Variants in SYT14 observed in about 807,000 individuals in gnomAD.
The protein encoded by SYT14 is synaptotagmin-14.
Under a neutral mutation model 74.2 loss-of-function variants are expected in SYT14, and 32 were observed. The observed-to-expected ratio is 0.43, with a 90% CI of 0.33 to 0.58. The LOEUF (loss-of-function observed/expected upper bound fraction) is 0.58, where lower values mean the gene tolerates loss of function less well. Among genes scored for constraint, SYT14 ranks in the 20% least tolerant of loss-of-function variants. The pLI is 0.05. For synonymous variants in SYT14, 298 were observed against 337.7 expected (o/e 0.88, Z 1.29); for missense variants, 791 against 981.8 (o/e 0.81, Z 2.60).
At chr1:210,086,345 T>C (rs1247841990) in intron 5 of SYT14, among the ~76,000 whole-genome samples, 1 of 152,200 alleles carries the variant, frequency 6.6e-6, no homozygotes, top group Non-Finnish European at 1.5e-5. Flanking sequence ...CCTCAAAAAA[T>C]TTTTCACTTA....
chr1:209,949,384 G>T (rs1398140929), intron 1 of SYT14, among the ~76,000 whole-genome samples: 2 of 151,828 alleles, frequency 1.3e-5, no homozygotes, highest in Non-Finnish European at 1.5e-5. Context: ...ACCATCCTGG[G>T]CAACATAGTG....
chr1:210,139,069 A>G (rs1470424828), intron 7 of SYT14, among the ~76,000 whole-genome samples: 1 of 144,248 alleles, frequency 6.9e-6, no homozygotes, highest in Non-Finnish European at 1.5e-5. Flanking sequence ...ATAAGATTTT[A>G]TTTTTTTAAA....
At chr1:210,021,197 T>A in exon 5 of SYT14, 1 of 1,613,998 alleles carries the variant, frequency 6.2e-7, no homozygotes, top group Non-Finnish European at 8.5e-7. Context: ...AAGGCAGAAA[T>A]ACAGTCCTCT....
intron 2 of SYT14, among the ~76,000 whole-genome samples, chr1:209,985,696 C>T (rs958797792): frequency 1.3e-5 from 2 of 152,208 alleles, no homozygotes; most frequent in African/African-American, 4.8e-5. Context: ...GGCCTTAATC[C>T]CTGCAGCAAT....
At chr1:210,038,021 C>T (rs539468262) in intron 5 of SYT14, among the ~76,000 whole-genome samples, 4 of 152,070 alleles carry the variant, frequency 2.6e-5, no homozygotes, top group African/African-American at 9.6e-5. Context: ...TGATCTGTCT[C>T]ATGCTATCAG....
At chr1:210,021,708 G>A (rs761341179) in intron 5 of SYT14, among the ~76,000 whole-genome samples, 11 of 152,156 alleles carry the variant, frequency 7.2e-5, no homozygotes, top group African/African-American at 1.2e-4. Context: ...GGCAGACAGC[G>A]GAAGAAATGG....
chr1:210,131,805 C>G (rs2102641597), intron 7 of SYT14, among the ~76,000 whole-genome samples: 1 of 152,292 alleles, frequency 6.6e-6, no homozygotes, highest in Non-Finnish European at 1.5e-5. Context: ...ATCCCTTCTT[C>G]CATATAAACA....
At chr1:210,083,378 T>G (rs227168) in intron 5 of SYT14, among the ~76,000 whole-genome samples, 86,371 of 152,048 alleles carry the variant, frequency 0.57, 26,617 homozygotes, top group African/African-American at 0.82. Context: ...TCTGAACTTT[T>G]TTTTCTAATA....
intron 5 of SYT14, among the ~76,000 whole-genome samples, chr1:210,070,593 C>T (rs2081373792): frequency 6.6e-6 from 1 of 152,240 alleles, no homozygotes; most frequent in South Asian, 2.1e-4. Context: ...GCTTTCTTCT[C>T]AAGGCCTATG....
At chr1:210,060,964 C>T (rs547470242) in intron 5 of SYT14, among the ~76,000 whole-genome samples, 8 of 152,060 alleles carry the variant, frequency 5.3e-5, no homozygotes, top group South Asian at 2.1e-4. Context: ...ACTCTGTCAT[C>T]GTTATTTAAG....
At chr1:209,968,014 A>G (rs888701007) in intron 2 of SYT14, among the ~76,000 whole-genome samples, 2 of 152,182 alleles carry the variant, frequency 1.3e-5, no homozygotes, top group African/African-American at 4.8e-5. Context: ...TGAACTAACT[A>G]TAATATAACT....
At chr1:210,095,671 A>G (rs1558185731) in intron 6 of SYT14, among the ~76,000 whole-genome samples, 1 of 152,242 alleles carries the variant, frequency 6.6e-6, no homozygotes, top group East Asian at 1.9e-4. Context: ...CCAAAATTAA[A>G]TAATAGGTGT....
intron 7 of SYT14, among the ~76,000 whole-genome samples, chr1:210,153,349 C>T (rs1190654340): frequency 6.6e-6 from 1 of 151,870 alleles, no homozygotes; most frequent in Non-Finnish European, 1.5e-5. Context: ...AGAAACCTGC[C>T]GATATTTTTA....
chr1:209,958,908 A>T (rs1271048669), intron 2 of SYT14, among the ~76,000 whole-genome samples: 1 of 152,184 alleles, frequency 6.6e-6, no homozygotes, highest in Non-Finnish European at 1.5e-5. Context: ...TTATAAATGG[A>T]CAATAACAAG....
At chr1:210,146,855 T>C (rs538873367) in intron 7 of SYT14, among the ~76,000 whole-genome samples, 3 of 151,634 alleles carry the variant, frequency 2.0e-5, no homozygotes, top group South Asian at 4.2e-4. Context: ...GTACTACATA[T>C]ATACTATATG....
At chr1:210,171,192 A>G (rs2083522294) in exon 10 of SYT14, 2 of 152,114 alleles carry the variant, frequency 1.3e-5, no homozygotes, top group Admixed American at 1.3e-4. Flanking sequence ...TACCTTGTCC[A>G]TTTTACTTCC....
At chr1:209,994,079 T>A (rs1264332689) in intron 2 of SYT14, among the ~76,000 whole-genome samples, 1 of 152,034 alleles carries the variant, frequency 6.6e-6, no homozygotes, top group Non-Finnish European at 1.5e-5. Context: ...CTCTGGCAAT[T>A]CAAAAAGCCA....
rs146267848 is a variant in SYT14 at position 210,111,830 on chromosome 1, C to T, written c.2034+11369C>T. The stretch of plus-strand genomic sequence containing the variant: ...TTAGAGAGTGCCTAAGGGGGTTCAG[C>T]GGAATTACTTGCTTTGTTGGCAAGT... On this transcript the variant is annotated intron_variant, in intron 7 of 9. Coordinates refer to ENST00000637265, the Ensembl canonical transcript of SYT14. Among the ~76,000 whole-genome samples, 101 of 151,364 alleles carry T rather than the reference C, an allele frequency of 6.7e-4. 2 individuals are homozygous for T. In the East Asian group the frequency reaches 0.018, roughly 26 times the overall value.
intron 7 of SYT14, among the ~76,000 whole-genome samples, chr1:210,109,048 C>G (rs1395634422): frequency 6.6e-6 from 1 of 150,426 alleles, no homozygotes; most frequent in East Asian, 2.0e-4. Flanking sequence ...ACTGAAGTTA[C>G]AAAAGATGAT....
Sources: gnomAD v4.1 joint callset for allele counts (sites outside exome capture counted in the v4.1 genomes callset) on GRCh38, gnomAD v4.1.1 for gene constraint, MANE v1.5 for transcripts, NCBI Gene and HGNC (gene_info 2026-07-23, HGNC 2026-07-21) for gene names.